PPP1R9A: variants seen among roughly 807,000 people sequenced by gnomAD.
PPP1R9A encodes protein phosphatase 1 regulatory subunit 9A.
PPP1R9A carries 59 observed loss-of-function variants against 141.9 expected under a neutral mutation model. That is an observed-to-expected ratio of 0.42 (90% confidence interval 0.34 to 0.52). PPP1R9A has a LOEUF of 0.52. Ranked by LOEUF, PPP1R9A falls within the 20% of genes least tolerant of loss-of-function variation. PPP1R9A has a pLI of 0.10. For synonymous variants in PPP1R9A, 500 were observed against 569.7 expected (o/e 0.88, Z 1.74); for missense variants, 1,444 against 1,611.9 (o/e 0.90, Z 1.78).
intron 16 of PPP1R9A, among the ~76,000 whole-genome samples, chr7:95,280,852 A>C (rs1369002372): frequency 1.3e-5 from 2 of 152,172 alleles, no homozygotes; most frequent in Non-Finnish European, 2.9e-5. Context: ...GGAGGGAGGA[A>C]GCAAATAAGA....
chr7:95,090,287 A>G (rs1817167250), intron 2 of PPP1R9A, among the ~76,000 whole-genome samples: 1 of 151,970 alleles, frequency 6.6e-6, no homozygotes, highest in African/African-American at 2.4e-5. Context: ...TATAGAATAC[A>G]AGGTCTTTTT....
intron 19 of PPP1R9A, 71 bp downstream of exon 19, chr7:95,288,789 C>T: frequency 2.0e-6 from 3 of 1,525,478 alleles, no homozygotes; most frequent in South Asian, 2.6e-5. Context: ...AAAATGTTTT[C>T]ATTAGGTAAG....
At chr7:95,046,177 C>T (rs1424966158) in intron 2 of PPP1R9A, among the ~76,000 whole-genome samples, 1 of 151,298 alleles carries the variant, frequency 6.6e-6, no homozygotes, top group Non-Finnish European at 1.5e-5. Flanking sequence ...CTCCTGGGTT[C>T]AAGCAATTCT....
intron 5 of PPP1R9A, among the ~76,000 whole-genome samples, chr7:95,190,255 G>A (rs1835301797): frequency 6.6e-6 from 1 of 152,158 alleles, no homozygotes; most frequent in African/African-American, 2.4e-5. Flanking sequence ...CTAGGGATGG[G>A]ACTTCCTGCA....
intron 2 of PPP1R9A, among the ~76,000 whole-genome samples, chr7:94,948,217 A>G (rs10276222): frequency 0.078 from 11,874 of 152,110 alleles, 614 homozygotes; most frequent in African/African-American, 0.15. Flanking sequence ...CATGATGGTC[A>G]TGATGAATTA....
intron 1 of PPP1R9A, 103 bp downstream of exon 1, chr7:94,907,805 C>G (rs1300974323): frequency 6.6e-6 from 1 of 151,210 alleles, no homozygotes; most frequent in African/African-American, 2.4e-5. Flanking sequence ...GTGGGCCAAA[C>G]CCCTTCCCCG....
chr7:94,999,689 ATTG>A (rs1321561624), intron 2 of PPP1R9A, among the ~76,000 whole-genome samples: 1 of 152,198 alleles, frequency 6.6e-6, no homozygotes, highest in Admixed American at 6.5e-5. Flanking sequence ...CTCCTAAGAA[ATTG>A]TTGATCGTGT....
At chr7:94,917,595 A>G (rs1225801358) in intron 2 of PPP1R9A, among the ~76,000 whole-genome samples, 1 of 147,766 alleles carries the variant, frequency 6.8e-6, no homozygotes, top group Non-Finnish European at 1.5e-5. Flanking sequence ...TTTTGTAGAG[A>G]TGAAGTCTCA....
intron 4 of PPP1R9A, among the ~76,000 whole-genome samples, chr7:95,146,900 C>A (rs979106325): frequency 6.6e-6 from 1 of 152,066 alleles, no homozygotes; most frequent in Admixed American, 6.6e-5. Context: ...GTTACTGCAG[C>A]CTTGTAGTAT....
At chr7:95,219,126 T>G (rs1231868189) in intron 7 of PPP1R9A, among the ~76,000 whole-genome samples, 3 of 152,218 alleles carry the variant, frequency 2.0e-5, no homozygotes, top group African/African-American at 7.2e-5. Context: ...CTTTCCATGT[T>G]TAATGCTTCC....
At chr7:95,276,749 A>G (rs1191271304) in intron 16 of PPP1R9A, among the ~76,000 whole-genome samples, 1 of 152,116 alleles carries the variant, frequency 6.6e-6, no homozygotes, top group East Asian at 1.9e-4. Flanking sequence ...AAAGGAATTC[A>G]TATAATTGGA....
At chr7:95,183,367 T>G (rs1834137686) in intron 5 of PPP1R9A, among the ~76,000 whole-genome samples, 1 of 151,588 alleles carries the variant, frequency 6.6e-6, no homozygotes, top group South Asian at 2.1e-4. Flanking sequence ...CTCAAACTCC[T>G]GGCCTCAGGT....
At chr7:94,979,964 A>T (rs1799890654) in intron 2 of PPP1R9A, among the ~76,000 whole-genome samples, 1 of 152,110 alleles carries the variant, frequency 6.6e-6, no homozygotes, top group Non-Finnish European at 1.5e-5. Context: ...TGAAATATTA[A>T]GTCAGAAAAT....
At chr7:95,107,503 A>G (rs1199158830) in intron 2 of PPP1R9A, among the ~76,000 whole-genome samples, 2 of 152,058 alleles carry the variant, frequency 1.3e-5, no homozygotes, top group Non-Finnish European at 2.9e-5. Context: ...GGCACTTTTT[A>G]TATATGTATA....
intron 2 of PPP1R9A, among the ~76,000 whole-genome samples, chr7:94,971,944 TGAA>T: frequency 6.6e-6 from 1 of 152,348 alleles, no homozygotes; most frequent in African/African-American, 2.4e-5. Flanking sequence ...AGCTTTGTGT[TGAA>T]GAAGGCTTCC....
chr7:95,272,474 G>A (rs185163652), intron 14 of PPP1R9A, among the ~76,000 whole-genome samples: 1 of 152,124 alleles, frequency 6.6e-6, no homozygotes, highest in South Asian at 2.1e-4. Context: ...ATGCAAATAT[G>A]CATAATAAAT....
intron 2 of PPP1R9A, among the ~76,000 whole-genome samples, chr7:95,086,142 CTA>C (rs1383330072): frequency 6.6e-6 from 1 of 151,738 alleles, no homozygotes; most frequent in Admixed American, 6.6e-5. Flanking sequence ...CAGAGAATTC[CTA>C]TATACTCCAC....
At chr7:94,951,131 A>G (rs1796425237) in intron 2 of PPP1R9A, among the ~76,000 whole-genome samples, 1 of 152,116 alleles carries the variant, frequency 6.6e-6, no homozygotes, top group African/African-American at 2.4e-5. Flanking sequence ...ATTTGCCTGC[A>G]GATTTCAGAT....
intron 4 of PPP1R9A, among the ~76,000 whole-genome samples, chr7:95,128,684 C>A (rs1824018743): frequency 6.6e-6 from 1 of 152,162 alleles, no homozygotes; most frequent in Non-Finnish European, 1.5e-5. Context: ...TCAAGCGATT[C>A]TCCTGCCTCA....
Sources: allele counts gnomAD v4.1 joint callset (sites outside exome capture counted in the v4.1 genomes callset), GRCh38; gene constraint gnomAD v4.1.1; transcripts MANE v1.5; gene names NCBI Gene and HGNC (gene_info 2026-07-23, HGNC 2026-07-21).